The following SV2C variants were observed in gnomAD, a reference collection of about 807,000 sequenced individuals.
The protein encoded by SV2C is synaptic vesicle glycoprotein 2C.
Under a neutral mutation model 79.7 loss-of-function variants are expected in SV2C, and 49 were observed. That is an observed-to-expected ratio of 0.61 (90% CI 0.49 to 0.78). The LOEUF is 0.78. Ranked by LOEUF, SV2C falls within the 30% of genes least tolerant of loss-of-function variation. The pLI, the probability that SV2C is intolerant of heterozygous loss-of-function variation, is 0.00. For synonymous variants in SV2C, 334 were observed against 333.2 expected (o/e 1.00, Z -0.03); for missense variants, 833 against 912.9 (o/e 0.91, Z 1.13).
At chr5:76,353,539 G>C (rs1488107955) in exon 13 of SV2C, 1 of 151,972 alleles carries the variant, frequency 6.6e-6, no homozygotes, top group Non-Finnish European at 1.5e-5. Flanking sequence ...ATCACATAAA[G>C]AGAGAAAAGC....
intron 4 of SV2C, among the ~76,000 whole-genome samples, chr5:76,213,177 C>CA (rs1029683254): frequency 1.1e-3 from 172 of 150,840 alleles, no homozygotes; most frequent in African/African-American, 2.9e-3. Flanking sequence ...AGAAGTGTGG[C>CA]AAAAAAAACA....
intron 4 of SV2C, among the ~76,000 whole-genome samples, chr5:76,245,113 A>G (rs1033589921): frequency 6.6e-6 from 1 of 152,196 alleles, no homozygotes; most frequent in South Asian, 2.1e-4. Flanking sequence ...TATGTCTACC[A>G]TCTTCAGTTT....
upstream of SV2C, chr5:76,079,201 C>A: frequency 3.0e-6 from 1 of 337,434 alleles, no homozygotes; most frequent in South Asian, 3.4e-5. Flanking sequence ...TGGCATATAC[C>A]TGGGCCATCA....
chr5:75,938,742 C>A, the SV2C span, among the ~76,000 whole-genome samples: 1 of 152,130 alleles, frequency 6.6e-6, no homozygotes, highest in Non-Finnish European at 1.5e-5. Context: ...GATAATTTGA[C>A]AACCTGTATG....
the SV2C span, among the ~76,000 whole-genome samples, chr5:75,918,502 T>C: frequency 2.6e-5 from 4 of 152,200 alleles, no homozygotes; most frequent in Non-Finnish European, 4.4e-5. Context: ...AGCTCCAAGT[T>C]TAGAAATATG....
the SV2C span, among the ~76,000 whole-genome samples, chr5:75,894,400 T>C: frequency 6.6e-6 from 1 of 152,104 alleles, no homozygotes; most frequent in Non-Finnish European, 1.5e-5. Flanking sequence ...TAATTTGCCC[T>C]ATTCTGATCC....
At chr5:76,073,815 T>C in the SV2C span, among the ~76,000 whole-genome samples, 1 of 152,050 alleles carries the variant, frequency 6.6e-6, no homozygotes, top group Non-Finnish European at 1.5e-5. Context: ...GCTCGCGTGA[T>C]GGGTGCACCA....
At chr5:76,312,757 C>T (rs1409276463) in intron 12 of SV2C, among the ~76,000 whole-genome samples, 1 of 152,188 alleles carries the variant, frequency 6.6e-6, no homozygotes, top group Non-Finnish European at 1.5e-5. Flanking sequence ...CTTATGCCCC[C>T]TTATGCATGC....
At chr5:76,143,814 G>A (rs1282398171) in intron 2 of SV2C, among the ~76,000 whole-genome samples, 2 of 152,264 alleles carry the variant, frequency 1.3e-5, no homozygotes, top group East Asian at 1.9e-4. Context: ...TCAAACTAAC[G>A]AATATGTATT....
chr5:76,035,883 G>A, the SV2C span, among the ~76,000 whole-genome samples: 14 of 152,210 alleles, frequency 9.2e-5, no homozygotes, highest in African/African-American at 3.4e-4. Flanking sequence ...GGGAGTCTAA[G>A]TCTCTTTGTA....
At chr5:75,947,584 C>T in the SV2C span, among the ~76,000 whole-genome samples, 3 of 151,988 alleles carry the variant, frequency 2.0e-5, no homozygotes, top group Admixed American at 2.0e-4. Flanking sequence ...ACATGTGCTC[C>T]ACTACGCAGA....
At chr5:76,181,085 T>G (rs1323746521) in intron 2 of SV2C, among the ~76,000 whole-genome samples, 3 of 103,386 alleles carry the variant, frequency 2.9e-5, no homozygotes, top group Admixed American at 2.2e-4. Flanking sequence ...CACTTTCCAT[T>G]GCCTCTCAGC....
At chr5:76,209,422 A>C (rs1744701542) in intron 3 of SV2C, among the ~76,000 whole-genome samples, 2 of 152,338 alleles carry the variant, frequency 1.3e-5, no homozygotes, top group Admixed American at 1.3e-4. Context: ...TAAATATCAC[A>C]CAAAACACAA....
the SV2C span, among the ~76,000 whole-genome samples, chr5:75,859,377 A>G: frequency 6.6e-6 from 1 of 152,244 alleles, no homozygotes; most frequent in Non-Finnish European, 1.5e-5. Flanking sequence ...AAAAACCAAA[A>G]CATTCTCTTC....
the SV2C span, among the ~76,000 whole-genome samples, chr5:76,025,204 A>G: frequency 7.2e-6 from 1 of 138,996 alleles, no homozygotes; most frequent in African/African-American, 2.6e-5. Context: ...CTGCCCTTTT[A>G]TAATAACCCA....
the SV2C span, among the ~76,000 whole-genome samples, chr5:75,869,638 G>A: frequency 6.6e-6 from 1 of 152,196 alleles, no homozygotes; most frequent in Non-Finnish European, 1.5e-5. Flanking sequence ...GGTGATTGTA[G>A]CTTCTCAGGG....
chr5:76,113,037 C>T (rs1178779540), intron 1 of SV2C, among the ~76,000 whole-genome samples: 3 of 152,138 alleles, frequency 2.0e-5, no homozygotes, highest in Non-Finnish European at 2.9e-5. Context: ...TATTTTTGTT[C>T]GTTTTGCATC....
At chr5:76,203,726 T>A (rs1450576719) in intron 3 of SV2C, among the ~76,000 whole-genome samples, 2 of 152,226 alleles carry the variant, frequency 1.3e-5, no homozygotes, top group Admixed American at 1.3e-4. Flanking sequence ...AGATCAATAT[T>A]TTTTAAATAA....
intron 4 of SV2C, among the ~76,000 whole-genome samples, chr5:76,229,088 G>C (rs990419447): frequency 6.6e-6 from 1 of 152,190 alleles, no homozygotes; most frequent in Admixed American, 6.5e-5. Flanking sequence ...AAATGGCCCA[G>C]CTGAGAAAGC....
Sources: gnomAD v4.1 joint callset for allele counts (sites outside exome capture counted in the v4.1 genomes callset) on GRCh38, gnomAD v4.1.1 for gene constraint, MANE v1.5 for transcripts, NCBI Gene and HGNC (gene_info 2026-07-23, HGNC 2026-07-21) for gene names.